Variants in WNK4 observed in about 807,000 individuals in gnomAD.
WNK4 encodes WNK lysine deficient protein kinase 4.
In WNK4, 94 loss-of-function variants were observed where a neutral mutation model predicts 116.2. The observed-to-expected ratio is 0.81, with a 90% CI of 0.68 to 0.96. The LOEUF is 0.96. Among genes scored for constraint, WNK4 ranks in the 40% least tolerant of loss-of-function variants. WNK4 has a pLI of 0.00. For missense variants in WNK4, 1,542 were observed against 1,650.6 expected, an observed-to-expected ratio of 0.93 and a Z score of 1.14; for synonymous variants, 655 against 672.7, an observed-to-expected ratio of 0.97 and a Z score of 0.41.
intron 11 of WNK4, among the ~76,000 whole-genome samples, chr17:42,792,964 C>T (rs545491283): frequency 3.9e-4 from 59 of 152,260 alleles, no homozygotes; most frequent in Middle Eastern, 3.4e-3. Context: ...CTTAGGCAGA[C>T]GGAACTTAAC....
chr17:42,788,364 G>C lies in WNK4; in HGVS notation c.1997G>C (p.Arg666Thr). The part of the protein sequence containing the change: ...GMGQMRRPPG[R>T]NLRRRPRSRL... ...GGACAAATGAGGAGACCCCCAGGGA[G>C]GAATCTCCGGCGCAGACCCCGATCC... The change falls in exon 10 of 19, where the codon AGG becomes ACG. Residue 666 changes from arginine to threonine, a missense_variant. Physicochemically the swap from Arg to Thr is moderately conservative, Grantham distance 71. Transcript: ENST00000246914. The C allele has an allele frequency of 6.2e-7, 1 of 1,613,506 alleles. No individual in the cohort carries two copies. The highest frequency in any genetic ancestry group is 8.5e-7 in the Non-Finnish European group (1 of 1,180,030).
intron 1 of WNK4, among the ~76,000 whole-genome samples, 165 bp downstream of exon 1, chr17:42,781,481 T>C (rs2054483091): frequency 2.0e-5 from 3 of 152,334 alleles, no homozygotes; most frequent in Admixed American, 6.5e-5. Flanking sequence ...TGGCTGACTC[T>C]GGGCTGCAGA....
At chr17:42,794,709 G>T (rs765467763) in intron 13 of WNK4, 41 bp downstream of exon 13, 35 of 1,613,630 alleles carry the variant, frequency 2.2e-5, no homozygotes, top group Non-Finnish European at 2.9e-5. Flanking sequence ...CAACCCCTGG[G>T]GTTGCTCCTG....
chr17:42,784,509 A>C lies in WNK4; in HGVS notation c.1100A>C (p.Glu367Ala). 1 of 1,613,962 alleles carries C rather than the reference A, an allele frequency of 6.2e-7. No individual in the cohort carries two copies. The highest frequency in any genetic ancestry group is 8.5e-7 in the Non-Finnish European group (1 of 1,180,000). Reference sequence around the variant, plus strand: ...TACGCGTTCGGCATGTGCATGCTGGAGATGGCCACCTCTGAGTACCCGTAC... The same window carrying C: ...TACGCGTTCGGCATGTGCATGCTGGCGATGGCCACCTCTGAGTACCCGTAC... ...DVYAFGMCMLEMATSEYPYSE... is the reference protein window; with the variant it reads ...DVYAFGMCMLAMATSEYPYSE... The change falls in exon 4 of 19, where the codon GAG (glutamate) becomes GCG (alanine). Residue 367 changes from glutamate to alanine, a missense_variant. Physicochemically the swap from Glu to Ala is moderately radical, Grantham distance 107. Around this residue, in one of 7 missense-constraint regions of WNK4, gnomAD observed 808 missense variants for 873.6 expected, o/e 0.92. Coordinates refer to ENST00000246914, the MANE Select transcript of WNK4 (RefSeq NM_032387.5). This position sits in a 1 kb window ranked among gnomAD's most constrained non-coding sequence, Gnocchi z 4.4.
Position 42,784,514 on chromosome 17 carries a change from G to A in WNK4, c.1105G>A (p.Ala369Thr). The change falls in exon 4 of 19, where the codon GCC (alanine) becomes ACC (threonine). Residue 369 changes from alanine to threonine, a missense_variant. Physicochemically the swap from Ala to Thr is moderately conservative, Grantham distance 58. Coordinates refer to ENST00000246914, the MANE Select transcript of WNK4 (RefSeq NM_032387.5). The surrounding 1 kb of genome is among the most constrained non-coding windows in gnomAD (Gnocchi z 4.4). Reference sequence around the variant, plus strand: ...GTTCGGCATGTGCATGCTGGAGATGGCCACCTCTGAGTACCCGTACTCCGA... The same window carrying A: ...GTTCGGCATGTGCATGCTGGAGATGACCACCTCTGAGTACCCGTACTCCGA... ...YAFGMCMLEM[A>T]TSEYPYSECQ... 1 of 1,613,956 alleles carries A rather than the reference G, an allele frequency of 6.2e-7. No homozygotes were observed. The highest frequency in any genetic ancestry group is 8.5e-7 in the Non-Finnish European group (1 of 1,179,982).
At position 42,782,980 on chromosome 17, in the gene WNK4, C is replaced by T; in HGVS notation, c.791+50C>T. The T allele has an allele frequency of 6.3e-7, 1 of 1,599,008 alleles. No homozygotes were observed. Among genetic ancestry groups the T allele is most frequent in the Non-Finnish European group, 8.5e-7 (1 of 1,172,230 alleles). On this transcript the variant is annotated intron_variant, in intron 2 of 18. Coordinates refer to ENST00000246914, the MANE Select transcript of WNK4 (RefSeq NM_032387.5). The surrounding 1 kb of genome is among the most constrained non-coding windows in gnomAD (Gnocchi z 4.2). Reference sequence around the variant, plus strand: ...GGGAGAGGGAGGCTGGGATGTGTGCCCACTGCTTCCTGAACTCCCAGGCTC... The same window carrying T: ...GGGAGAGGGAGGCTGGGATGTGTGCTCACTGCTTCCTGAACTCCCAGGCTC...
chr17:42,788,295 C>T lies in WNK4; in HGVS notation c.1928C>T (p.Ala643Val). ...GSDFSPGDSY[A>V]SDAASGLSDV... ...CTCTCCTTTCTCTTTAACAGCTATGCCTCAGATGCAGCTTCAGGCCTTAGC... is the reference window on the plus strand; with the variant it reads ...CTCTCCTTTCTCTTTAACAGCTATGTCTCAGATGCAGCTTCAGGCCTTAGC... The change falls in exon 10 of 19, where the codon GCC becomes GTC. Residue 643 changes from alanine (A) to valine (V), a missense_variant. By Grantham distance (64) the Ala-to-Val change is moderately conservative. This residue lies in a region of WNK4 where 808 missense variants were observed against 873.6 expected (regional missense o/e 0.92). Transcript: ENST00000246914. 3 of 1,614,090 alleles carry T rather than the reference C, an allele frequency of 1.9e-6. No homozygotes were observed. Among genetic ancestry groups the T allele is most frequent in the Non-Finnish European group, 8.5e-7 (1 of 1,179,984 alleles).
rs868616711 is a variant in WNK4, at chr17:42,795,228, C to T, written c.2807C>T (p.Thr936Ile). 8.1e-6 allele frequency: 13 copies of T among 1,613,992 alleles called. No homozygotes were observed. The Middle Eastern group carries it at 9.9e-4, about 123-fold the overall frequency. The change falls in exon 14 of 19, where the codon ACT (threonine) becomes ATT (isoleucine). Residue 936 changes from threonine to isoleucine, a missense_variant. Physicochemically the swap from Thr to Ile is moderately conservative, Grantham distance 89 (BLOSUM62 -1). Transcript: ENST00000246914. ...LASAFSLAVM[T>I]VAQSLLSPSP... Reference sequence around the variant, plus strand: ...AGTGCCTTCTCACTGGCTGTGATGACTGTGGCCCAGTCCCTGCTGTCCCCC... The same window carrying T: ...AGTGCCTTCTCACTGGCTGTGATGATTGTGGCCCAGTCCCTGCTGTCCCCC...
In WNK4 at chr17:42,795,613, G is replaced by T. The variant is rs759079403; in HGVS notation, c.3023-12G>T. 1 of 1,613,874 alleles carries T rather than the reference G, an allele frequency of 6.2e-7. No homozygotes were observed. The highest frequency in any genetic ancestry group is 1.3e-5 in the African/African-American group (1 of 74,970). ...CTCCTTTCCTCATGCCTTCTTCCTC[G>T]TCGCCCTACAGAGGGAAAGCCGCAG... On this transcript the variant is annotated splice_polypyrimidine_tract_variant and intron_variant, in intron 15 of 18. Transcript: ENST00000246914.
intron 10 of WNK4, 22 bp downstream of exon 10, chr17:42,788,429 T>TAG: frequency 1.2e-6 from 2 of 1,607,670 alleles, no homozygotes; most frequent in Non-Finnish European, 1.7e-6. Context: ...GTACAGGAGA[T>TAG]AGAGAGTAAC....
intron 11 of WNK4, among the ~76,000 whole-genome samples, chr17:42,789,643 G>A (rs1206325087): frequency 3.3e-5 from 5 of 151,002 alleles, no homozygotes; most frequent in South Asian, 4.2e-4. Flanking sequence ...CAGCCTGGGC[G>A]ACAAGAGTGA....
chr17:42,792,305 C>T lies in WNK4; in HGVS notation c.2158-1287C>T, dbSNP rs550984895. Among the ~76,000 whole-genome samples the T allele has an allele frequency of 2.6e-5, 4 of 151,638 alleles. No homozygotes were observed. In the East Asian group the frequency reaches 7.7e-4, roughly 29 times the overall value. On this transcript the variant is annotated intron_variant, in intron 11 of 18. Coordinates refer to ENST00000246914, the MANE Select transcript of WNK4 (RefSeq NM_032387.5). ...GTCAATGTTCAGCTCCAAAGACTTACTCTGTGAAACTGCTCCAGCTTCCCC... is the reference window on the plus strand; with the variant it reads ...GTCAATGTTCAGCTCCAAAGACTTATTCTGTGAAACTGCTCCAGCTTCCCC...
intron 11 of WNK4, among the ~76,000 whole-genome samples, chr17:42,792,037 CTGA>C (rs1414054148): frequency 6.6e-6 from 1 of 152,156 alleles, no homozygotes; most frequent in Non-Finnish European, 1.5e-5. Flanking sequence ...TCTTCTCTTC[CTGA>C]TGAACAGCCT....
intron 10 of WNK4, 80 bp downstream of exon 10, chr17:42,788,487 C>T: frequency 6.9e-7 from 1 of 1,445,366 alleles, no homozygotes; most frequent in South Asian, 1.1e-5. Flanking sequence ...GGAGGTCACC[C>T]AGAAAACGGG....
Position 42,780,783 on chromosome 17 carries a change from G to A in WNK4, c.85G>A (p.Gly29Ser). Residue 29 changes from glycine (G) to serine (S), a missense_variant, in exon 1 of 19, where the codon GGC (glycine) becomes AGC (serine). By Grantham distance (56) the Gly-to-Ser change is moderately conservative (BLOSUM62 0). Coordinates refer to ENST00000246914, the MANE Select transcript of WNK4 (RefSeq NM_032387.5). ...DLALRPPPPLGTAGQPRLGPP... is the reference protein window; with the variant it reads ...DLALRPPPPLSTAGQPRLGPP... The stretch of plus-strand genomic sequence containing the variant: ...GGCCCTGCGGCCCCCGCCTCCTCTT[G>A]GCACCGCGGGGCAGCCCCGCCTCGG... 6.2e-7 allele frequency: 1 copy of A among 1,604,690 alleles called. No homozygotes were observed. The highest frequency in any genetic ancestry group is 1.1e-5 in the South Asian group (1 of 90,950).
intron 1 of WNK4, 69 bp downstream of exon 1, chr17:42,781,385 G>A: frequency 2.5e-6 from 4 of 1,602,048 alleles, no homozygotes; most frequent in Non-Finnish European, 3.4e-6. Flanking sequence ...GACAGACAGA[G>A]GGTGGGGGAG....
chr17:42,793,885 C>T, intron 12 of WNK4, 156 bp downstream of exon 12: 1 of 909,696 alleles, frequency 1.1e-6, no homozygotes, highest in Non-Finnish European at 1.7e-6. Context: ...TGGAGTCTCA[C>T]TCTGTCGCCC....
chr17:42,787,263 C>G lies in WNK4; in HGVS notation c.1477-15C>G. ...GGTCCCAAGCTGTGTTCCTCATCCC[C>G]CACCCCAATTCCAGGTGGCTCTGGG... On this transcript the variant is annotated splice_polypyrimidine_tract_variant and intron_variant, in intron 6 of 18. Transcript: ENST00000246914. The G allele has an allele frequency of 6.2e-7, 1 of 1,613,522 alleles. No homozygotes were observed. The highest frequency in any genetic ancestry group is 8.5e-7 in the Non-Finnish European group (1 of 1,180,028).
rs61755604 is a variant in WNK4 at position 42,788,390 on chromosome 17, C to T, written c.2023C>T (p.Arg675Trp). The change falls in exon 10 of 19, where the codon CGG becomes TGG. Residue 675 changes from arginine (R) to tryptophan (W), a missense_variant. Around this residue, in one of 7 missense-constraint regions of WNK4, gnomAD observed 808 missense variants for 873.6 expected, o/e 0.92. Coordinates refer to ENST00000246914, the MANE Select transcript of WNK4 (RefSeq NM_032387.5). ...GRNLRRRPRS[R>W]LRVTSVSDQN... ...GAATCTCCGGCGCAGACCCCGATCC[C>T]GGCTGCGGGTCACTAGTGTAAGGAT... 89 of 1,612,628 alleles carry T rather than the reference C, an allele frequency of 5.5e-5. 1 individual carries two copies. Among genetic ancestry groups the T allele is most frequent in the Middle Eastern group, 4.0e-4 (2 of 5,016 alleles).
Sources: allele counts gnomAD v4.1 joint callset (sites outside exome capture counted in the v4.1 genomes callset), GRCh38; gene constraint gnomAD v4.1.1; regional missense constraint gnomAD v4.1.1; non-coding constraint Gnocchi (gnomAD v3.1); transcripts MANE v1.5; gene names NCBI Gene and HGNC (gene_info 2026-07-23, HGNC 2026-07-21).